The following CDH18 variants were observed in gnomAD, a reference collection of about 807,000 sequenced individuals.
CDH18 encodes the protein cadherin-18.
In CDH18, 31 loss-of-function variants were observed where a neutral mutation model predicts 67.9. The observed-to-expected ratio is 0.46, with a 90% confidence interval of 0.34 to 0.62. CDH18 has a LOEUF of 0.62. CDH18 is among the 20% of genes least tolerant of loss of function. The probability of loss-of-function intolerance (pLI) is 0.01; values close to 1 mark genes in which losing one functional copy is unlikely to be tolerated. For synonymous variants in CDH18, 362 were observed against 347.2 expected, an observed-to-expected ratio of 1.04 and a Z score of -0.48; for missense variants, 890 against 975.5, an observed-to-expected ratio of 0.91 and a Z score of 1.17.
chr5:20,099,268 T>C (rs1286953021), intron 2 of CDH18, among the ~76,000 whole-genome samples: 1 of 152,160 alleles, frequency 6.6e-6, no homozygotes, highest in Non-Finnish European at 1.5e-5. Context: ...TGGGTGATTG[T>C]AGGGATTAAC....
At chr5:20,524,129 C>T (rs1169632498) in intron 1 of CDH18, among the ~76,000 whole-genome samples, 1 of 152,176 alleles carries the variant, frequency 6.6e-6, no homozygotes, top group African/African-American at 2.4e-5. Flanking sequence ...CTCACATTCA[C>T]ATAGGAAGTG....
chr5:20,465,786 T>A (rs1751593827), intron 1 of CDH18, among the ~76,000 whole-genome samples: 1 of 152,058 alleles, frequency 6.6e-6, no homozygotes, highest in South Asian at 2.1e-4. Context: ...GAGTCACATT[T>A]TAATTCCATT....
intron 2 of CDH18, among the ~76,000 whole-genome samples, chr5:19,883,551 TA>T (rs1298659977): frequency 1.3e-5 from 2 of 152,060 alleles, no homozygotes; most frequent in Non-Finnish European, 2.9e-5. Flanking sequence ...TTTTGTCCAG[TA>T]TTACATTTTC....
At chr5:20,087,950 A>T (rs1654768472) in intron 2 of CDH18, among the ~76,000 whole-genome samples, 1 of 152,226 alleles carries the variant, frequency 6.6e-6, no homozygotes, top group South Asian at 2.1e-4. Flanking sequence ...CATGATTATG[A>T]TGCAGAAAGA....
chr5:19,477,286 A>G (rs75345827), intron 12 of CDH18, among the ~76,000 whole-genome samples: 1,863 of 151,698 alleles, frequency 0.012, 43 homozygotes, highest in African/African-American at 0.042. Flanking sequence ...ACTCAGAAAA[A>G]TGTTGTACAT....
At chr5:19,509,112 G>T (rs1301458814) in intron 10 of CDH18, among the ~76,000 whole-genome samples, 1 of 151,952 alleles carries the variant, frequency 6.6e-6, no homozygotes, top group African/African-American at 2.4e-5. Context: ...CAAGTGATCT[G>T]CCCTCCTTGG....
intron 2 of CDH18, among the ~76,000 whole-genome samples, chr5:20,222,146 G>A (rs893537060): frequency 1.3e-5 from 2 of 152,154 alleles, no homozygotes; most frequent in Admixed American, 1.3e-4. Context: ...AAGATGTTCA[G>A]TGACATCTCT....
chr5:19,747,519 T>C lies in CDH18; in HGVS notation c.229-283A>G, dbSNP rs182163638. On this transcript the variant is annotated intron_variant, in intron 3 of 12. Coordinates refer to ENST00000382275, the MANE Select transcript of CDH18 (RefSeq NM_004934.5). ...ACAAAAATAGCCCTTATAATTTTAC[T>C]AAATCCACATTCCACTAACTGCCAT... 5.3e-3 allele frequency among the ~76,000 whole-genome samples: 803 copies of C among 152,236 alleles called. 7 individuals carry two copies. The highest frequency in any genetic ancestry group is 0.024 in the Middle Eastern group (7 of 294).
At chr5:19,831,904 C>CA (rs1781075903) in intron 3 of CDH18, among the ~76,000 whole-genome samples, 1 of 151,998 alleles carries the variant, frequency 6.6e-6, no homozygotes, top group Non-Finnish European at 1.5e-5. Context: ...GACACATATG[C>CA]ATAATGAAAT....
At chr5:20,405,954 A>G (rs191066450) in intron 1 of CDH18, among the ~76,000 whole-genome samples, 7,242 of 152,082 alleles carry the variant, frequency 0.048, 465 homozygotes, top group African/African-American at 0.15. Flanking sequence ...AGAGGATGTG[A>G]AGAAATAGGA....
intron 1 of CDH18, among the ~76,000 whole-genome samples, chr5:20,487,702 T>C (rs908797064): frequency 6.6e-6 from 1 of 151,478 alleles, no homozygotes; most frequent in African/African-American, 2.4e-5. Context: ...ACATTTTCAT[T>C]ATTAACTGCC....
At chr5:19,731,808 G>A (rs2150639958) in intron 4 of CDH18, among the ~76,000 whole-genome samples, 1 of 152,256 alleles carries the variant, frequency 6.6e-6, no homozygotes, top group Non-Finnish European at 1.5e-5. Flanking sequence ...ATTAATGCAT[G>A]AGTCTGCATG....
At chr5:19,748,821 AT>A (rs1770464252) in intron 3 of CDH18, among the ~76,000 whole-genome samples, 1 of 152,150 alleles carries the variant, frequency 6.6e-6, no homozygotes, top group Non-Finnish European at 1.5e-5. Flanking sequence ...TGAAACATAA[AT>A]GATAGTATGG....
intron 3 of CDH18, among the ~76,000 whole-genome samples, chr5:19,782,046 A>G (rs1376672174): frequency 2.6e-5 from 4 of 152,196 alleles, no homozygotes; most frequent in Non-Finnish European, 5.9e-5. Context: ...ATAGGGATAT[A>G]TGGATGCAAA....
intron 2 of CDH18, among the ~76,000 whole-genome samples, chr5:19,979,246 G>GT (rs1388787799): frequency 1.3e-5 from 2 of 151,372 alleles, no homozygotes; most frequent in African/African-American, 4.9e-5. Context: ...GTGTGTGTGT[G>GT]TTGAAGCAGA....
intron 2 of CDH18, among the ~76,000 whole-genome samples, chr5:19,870,409 A>C (rs1786123008): frequency 6.6e-6 from 1 of 152,182 alleles, no homozygotes; most frequent in Non-Finnish European, 1.5e-5. Flanking sequence ...TCAGAAGGTT[A>C]CATTAATTTT....
At chr5:19,824,505 T>C (rs1780208189) in intron 3 of CDH18, among the ~76,000 whole-genome samples, 1 of 152,186 alleles carries the variant, frequency 6.6e-6, no homozygotes, top group Non-Finnish European at 1.5e-5. Context: ...CCCACTACCA[T>C]GCTTCTAGAC....
chr5:20,234,678 T>A (rs1440006696), intron 2 of CDH18, among the ~76,000 whole-genome samples: 2 of 152,090 alleles, frequency 1.3e-5, no homozygotes, highest in African/African-American at 4.8e-5. Context: ...TATAGCAGCA[T>A]GAACTGACTA....
chr5:19,522,894 CAAAAAAA>C (rs36099222), intron 9 of CDH18, among the ~76,000 whole-genome samples: 3 of 83,876 alleles, frequency 3.6e-5, no homozygotes, highest in Non-Finnish European at 6.7e-5. Context: ...GACTCCTTCT[CAAAAAAA>C]AAAAAAAAAA....
Sources: allele counts gnomAD v4.1 joint callset (sites outside exome capture counted in the v4.1 genomes callset), GRCh38; gene constraint gnomAD v4.1.1; transcripts MANE v1.5; gene names NCBI Gene and HGNC (gene_info 2026-07-23, HGNC 2026-07-21).